The following E2F5 variants were observed in gnomAD, a reference collection of about 807,000 sequenced individuals.
E2F5 encodes the protein E2F transcription factor 5, also known as transcription factor E2F5.
In E2F5, 23 loss-of-function variants were observed where a neutral mutation model predicts 39.1. That is an observed-to-expected ratio of 0.59 (90% confidence interval 0.42 to 0.83). E2F5 has a LOEUF of 0.83. Among genes scored for constraint, E2F5 ranks in the 40% least tolerant of loss-of-function variants. E2F5 has a pLI of 0.00. For missense variants in E2F5, 365 were observed against 406.7 expected (o/e 0.90, Z 0.88); for synonymous variants, 145 against 157.8 (o/e 0.92, Z 0.61).
At chr8:85,199,988 T>C (rs1457466893) in intron 1 of E2F5, among the ~76,000 whole-genome samples, 1 of 152,104 alleles carries the variant, frequency 6.6e-6, no homozygotes, top group Non-Finnish European at 1.5e-5. Context: ...GGCTCACACT[T>C]GTAATCTCAG....
chr8:85,183,671 C>T (rs1375619166), intron 1 of E2F5, among the ~76,000 whole-genome samples: 1 of 152,148 alleles, frequency 6.6e-6, no homozygotes, highest in Non-Finnish European at 1.5e-5. Flanking sequence ...CTGTATGATT[C>T]CACTTACGTG....
chr8:85,191,965 A>G (rs1563978628), intron 1 of E2F5, among the ~76,000 whole-genome samples: 1 of 152,192 alleles, frequency 6.6e-6, no homozygotes, highest in Non-Finnish European at 1.5e-5. Context: ...GAGGCTATAA[A>G]TCAGATGACT....
At chr8:85,190,951 C>G (rs1449501275) in intron 1 of E2F5, among the ~76,000 whole-genome samples, 1 of 152,026 alleles carries the variant, frequency 6.6e-6, no homozygotes, top group Non-Finnish European at 1.5e-5. Context: ...GGGTCATGAG[C>G]CAAGAAGTGT....
Position 85,213,969 on chromosome 8 carries a change from ACT to A in E2F5, c.*108_*109del. The A allele has an allele frequency of 3.0e-6, 2 of 676,160 alleles. No individual in the cohort carries two copies. The highest frequency in any genetic ancestry group is 1.9e-5 in the South Asian group (1 of 53,078). 41.9% of individuals were successfully genotyped at this position (676,160 alleles called of 1,614,324 possible). Reference sequence around the variant, plus strand: ...ATGAATGTAACACCTTTTTTAGTTCACTGATTCTGAAGTGTTCTTCCCTAATA... The same window carrying A: ...ATGAATGTAACACCTTTTTTAGTTCAGATTCTGAAGTGTTCTTCCCTAATA... On this transcript the variant is annotated 3_prime_UTR_variant, in exon 8 of 8. Transcript: ENST00000416274.
chr8:85,192,645 T>A (rs1002308935), intron 1 of E2F5, among the ~76,000 whole-genome samples: 1 of 152,208 alleles, frequency 6.6e-6, no homozygotes, highest in Non-Finnish European at 1.5e-5. Context: ...TAATTAATGT[T>A]CCAGAAAACA....
At chr8:85,196,716 A>G (rs4150916) in intron 1 of E2F5, among the ~76,000 whole-genome samples, 61 of 152,354 alleles carry the variant, frequency 4.0e-4, no homozygotes, top group African/African-American at 1.3e-3. Flanking sequence ...TGTTTCCAGT[A>G]TAACAGGGAG....
At chr8:85,184,362 T>C (rs1390717731) in intron 1 of E2F5, among the ~76,000 whole-genome samples, 1 of 152,166 alleles carries the variant, frequency 6.6e-6, no homozygotes, top group Non-Finnish European at 1.5e-5. Flanking sequence ...CAGTGGAACA[T>C]ATCTCAAAAT....
chr8:85,180,574 G>GTT lies in E2F5; in HGVS notation c.234+2940_234+2941dup, dbSNP rs1206566160. 9.4e-3 allele frequency among the ~76,000 whole-genome samples: 534 copies of GTT among 56,916 alleles called. 68 individuals carry two copies. Among genetic ancestry groups the GTT allele is most frequent in the African/African-American group, 0.036 (469 of 12,908 alleles). The allele number at this position is 56,916 out of a possible 152,430, so 37.3% of individuals were successfully genotyped here. On this transcript the variant is annotated intron_variant, in intron 1 of 7. Transcript: ENST00000416274. Reference sequence around the variant, plus strand: ...TATATATGGTTTTTTGGTTGGTCTTGTTTTTTTTTTTTTTTTTTTTTGAGA... The same window carrying GTT: ...TATATATGGTTTTTTGGTTGGTCTTGTTTTTTTTTTTTTTTTTTTTTTTGAGA...
At chr8:85,192,531 G>T (rs1490189152) in intron 1 of E2F5, among the ~76,000 whole-genome samples, 1 of 152,166 alleles carries the variant, frequency 6.6e-6, no homozygotes, top group African/African-American at 2.4e-5. Context: ...TGAGGGTATG[G>T]TAACACCAAG....
chr8:85,196,192 T>C (rs1323974465), intron 1 of E2F5, among the ~76,000 whole-genome samples: 2 of 152,172 alleles, frequency 1.3e-5, no homozygotes, highest in Non-Finnish European at 2.9e-5. Flanking sequence ...AAGTAAGTTA[T>C]TTATTCTTTT....
At position 85,204,751 on chromosome 8, in the gene E2F5, A is replaced by G. The variant is rs957124787; in HGVS notation, c.507-1426A>G. Reference sequence around the variant, plus strand: ...GCTCAGCCAGGAGCATCCCTTTGATATATAAACTAACCAGTCAAGGTCCAG... The same window carrying G: ...GCTCAGCCAGGAGCATCCCTTTGATGTATAAACTAACCAGTCAAGGTCCAG... On this transcript the variant is annotated intron_variant, in intron 3 of 7. Coordinates refer to ENST00000416274, the MANE Select transcript of E2F5 (RefSeq NM_001951.4). Among the ~76,000 whole-genome samples the G allele has an allele frequency of 2.0e-5, 3 of 152,198 alleles. No homozygotes were observed. In the South Asian group the frequency reaches 6.2e-4, roughly 32 times the overall value.
At chr8:85,187,053 C>T (rs1812359341) in intron 1 of E2F5, among the ~76,000 whole-genome samples, 1 of 151,032 alleles carries the variant, frequency 6.6e-6, no homozygotes, top group Non-Finnish European at 1.5e-5. Context: ...TTTTCAGTTT[C>T]CCTTTGTATT....
At chr8:85,180,878 C>A (rs149364586) in intron 1 of E2F5, among the ~76,000 whole-genome samples, 4 of 150,634 alleles carry the variant, frequency 2.7e-5, no homozygotes, top group African/African-American at 9.8e-5. Flanking sequence ...CGCGCCCGGC[C>A]GGTCTTGTTT....
chr8:85,213,134 G>A (rs1209237597), intron 7 of E2F5: 1 of 152,002 alleles, frequency 6.6e-6, no homozygotes, highest in Non-Finnish European at 1.5e-5. Context: ...CTGGCCTCAG[G>A]TGATCCACCT....
At chr8:85,212,466 C>T in intron 7 of E2F5, 1 of 368,638 alleles carries the variant, frequency 2.7e-6, no homozygotes, top group African/African-American at 2.1e-5. Context: ...CCTTTCCACT[C>T]CTGAAGGATC....
At chr8:85,213,121 C>T (rs1462435391) in intron 7 of E2F5, 1 of 149,580 alleles carries the variant, frequency 6.7e-6, no homozygotes, top group East Asian at 2.1e-4. Context: ...TGGTCTCAAA[C>T]TCCTGGCCTC....
At chr8:85,211,802 C>G (rs552132038) in intron 6 of E2F5, among the ~76,000 whole-genome samples, 5 of 151,470 alleles carry the variant, frequency 3.3e-5, no homozygotes, top group South Asian at 2.1e-4. Context: ...GAATGTCTGG[C>G]TAATTTTTTT....
intron 1 of E2F5, among the ~76,000 whole-genome samples, chr8:85,201,529 C>G (rs1038903990): frequency 2.6e-5 from 4 of 152,102 alleles, no homozygotes; most frequent in African/African-American, 9.7e-5. Flanking sequence ...ATGCAGCTAC[C>G]AAGTTTTTGT....
intron 3 of E2F5, among the ~76,000 whole-genome samples, chr8:85,204,566 G>T (rs772976107): frequency 2.7e-5 from 4 of 146,238 alleles, no homozygotes; most frequent in African/African-American, 1.0e-4. Flanking sequence ...GGGGGAGGGA[G>T]AGCATTATGA....
Sources: gnomAD v4.1 joint callset for allele counts (sites outside exome capture counted in the v4.1 genomes callset) on GRCh38, gnomAD v4.1.1 for gene constraint, MANE v1.5 for transcripts, NCBI Gene and HGNC (gene_info 2026-07-23, HGNC 2026-07-21) for gene names.